GNE: variants seen among roughly 807,000 people sequenced by gnomAD.
The protein encoded by GNE is bifunctional UDP-N-acetylglucosamine 2-epimerase/N-acetylmannosamine kinase.
Under a neutral mutation model 61.8 loss-of-function variants are expected in GNE, and 41 were observed. That is an observed-to-expected ratio of 0.66 (90% CI 0.52 to 0.86). The LOEUF (loss-of-function observed/expected upper bound fraction) is 0.86. Ranked by LOEUF, GNE falls within the 40% of genes least tolerant of loss-of-function variation. The pLI, the probability that GNE is intolerant of heterozygous loss-of-function variation, is 0.00. For missense variants in GNE, 608 were observed against 909.1 expected (o/e 0.67, Z 4.26); for synonymous variants, 264 against 326.4 (o/e 0.81, Z 2.06).
upstream of GNE, among the ~76,000 whole-genome samples, chr9:36,259,116 C>A (rs188247482): frequency 7.8e-4 from 119 of 152,326 alleles, no homozygotes; most frequent in African/African-American, 2.8e-3. Context: ...AAGGGTCTCA[C>A]TATGTTGTCC....
At chr9:36,262,619 G>T (rs1830646924), upstream of GNE, among the ~76,000 whole-genome samples, 1 of 152,120 alleles carries the variant, frequency 6.6e-6, no homozygotes, top group Non-Finnish European at 1.5e-5. Context: ...AATAAAATCA[G>T]ATTTTTCTAG....
chr9:36,270,739 G>A (rs369204221), intron 1 of GNE, among the ~76,000 whole-genome samples: 3 of 151,724 alleles, frequency 2.0e-5, no homozygotes, highest in Admixed American at 1.3e-4. Flanking sequence ...GGATGGTCTC[G>A]ATCTCCTGAC....
At chr9:36,242,368 T>C (rs1829668681) in intron 3 of GNE, among the ~76,000 whole-genome samples, 1 of 152,250 alleles carries the variant, frequency 6.6e-6, no homozygotes. Flanking sequence ...AATAGGACTT[T>C]AAGCCCTACA....
intron 7 of GNE, among the ~76,000 whole-genome samples, chr9:36,224,013 A>G (rs931879821): frequency 6.6e-6 from 1 of 151,652 alleles, no homozygotes; most frequent in Admixed American, 6.6e-5. Context: ...CGGCCTCCCA[A>G]AGTGCTGGGA....
chr9:36,227,439 C>T lies in GNE; in HGVS notation c.1090G>A (p.Gly364Arg), dbSNP rs762981286. 4 of 1,607,664 alleles carry T rather than the reference C, an allele frequency of 2.5e-6. No homozygotes were observed. Among genetic ancestry groups the T allele is most frequent in the Non-Finnish European group, 3.4e-6 (4 of 1,174,134 alleles). Residue 364 changes from glycine (G) to arginine (R), a missense_variant, in exon 7 of 12, where the codon GGA becomes AGA. Transcript: ENST00000642385. ...TTCAAAATCCTTGGAACAGCATTTC[C>T]ATCCCCATATATCTTTGAACTGCAA... ...QYPCSKIYGDGNAVPRILKFL... is the reference protein window; with the variant it reads ...QYPCSKIYGDRNAVPRILKFL...
intron 1 of GNE, among the ~76,000 whole-genome samples, chr9:36,254,650 G>A (rs1830254936): frequency 6.6e-6 from 1 of 151,648 alleles, no homozygotes; most frequent in Non-Finnish European, 1.5e-5. Context: ...GCAAAAAGCT[G>A]CTTTCAAGAA....
intron 8 of GNE, 86 bp from the exon 9 acceptor site, chr9:36,223,084 T>C (rs1828682281): frequency 6.4e-6 from 8 of 1,241,160 alleles, no homozygotes; most frequent in Non-Finnish European, 9.5e-6. Flanking sequence ...AGAACACAGA[T>C]TCATTCACCC....
upstream of GNE, chr9:36,263,176 C>CCT (rs1554666562): frequency 1.4e-5 from 2 of 145,456 alleles, no homozygotes; most frequent in African/African-American, 5.1e-5. Flanking sequence ...TCAGCCATCA[C>CCT]TTTTTTTTTT....
intron 3 of GNE, among the ~76,000 whole-genome samples, chr9:36,241,395 G>A (rs1215716176): frequency 1.3e-5 from 2 of 152,126 alleles, no homozygotes. Context: ...GATTACAGGC[G>A]CGAGCCACTG....
In GNE at chr9:36,216,640, G is replaced by T. The variant is rs1587268232; in HGVS notation, c.*725C>A. ...GTGAGCCACTGCGCCCAGCTGGAAG[G>T]ATTATTATTATTATTATTATTATTA... On this transcript the variant is annotated 3_prime_UTR_variant, in exon 12 of 12. Transcript: ENST00000642385. 1.5e-5 allele frequency: 2 copies of T among 131,570 alleles called. 1 individual carries two copies. Among genetic ancestry groups the T allele is most frequent in the African/African-American group, 5.8e-5 (2 of 34,500 alleles). 8.2% of individuals were successfully genotyped at this position (131,570 alleles called of 1,614,324 possible).
intron 9 of GNE, 120 bp from the exon 10 acceptor site, chr9:36,220,140 G>A: frequency 1.2e-6 from 1 of 817,000 alleles, no homozygotes; most frequent in East Asian, 2.5e-5. Flanking sequence ...TACTTCTTTA[G>A]ACAGCTGAAG....
chr9:36,230,016 A>C (rs538602960), intron 5 of GNE, among the ~76,000 whole-genome samples: 1 of 151,884 alleles, frequency 6.6e-6, no homozygotes, highest in South Asian at 2.1e-4. Context: ...GCACAATCTC[A>C]GCTCACTGCA....
chr9:36,231,095 G>A (rs10972800), intron 5 of GNE, among the ~76,000 whole-genome samples: 8,055 of 112,890 alleles, frequency 0.071, 350 homozygotes, highest in Non-Finnish European at 0.11. Flanking sequence ...GAAAGAAAGA[G>A]AGAGAGAGAA....
At chr9:36,236,722 AGT>A in intron 4 of GNE, 108 bp downstream of exon 4, 1 of 928,668 alleles carries the variant, frequency 1.1e-6, no homozygotes, top group Non-Finnish European at 1.8e-6. Context: ...TTCAGAATAG[AGT>A]GCCCTTCAAT....
At chr9:36,270,516 C>CTT (rs1172459956) in intron 1 of GNE, among the ~76,000 whole-genome samples, 20 of 131,622 alleles carry the variant, frequency 1.5e-4, no homozygotes, top group African/African-American at 2.0e-4. Context: ...GGATTTCTTT[C>CTT]TTTTTTTTTT....
At chr9:36,247,133 T>G (rs1366945238) in intron 2 of GNE, among the ~76,000 whole-genome samples, 1 of 151,952 alleles carries the variant, frequency 6.6e-6, no homozygotes, top group Non-Finnish European at 1.5e-5. Flanking sequence ...CTTGACTCAC[T>G]GCAACCTCCA....
chr9:36,227,146 T>C (rs1828904178), intron 7 of GNE, 102 bp downstream of exon 7: 2 of 748,568 alleles, frequency 2.7e-6, no homozygotes, highest in Non-Finnish European at 4.8e-6. Context: ...GATTACAAGC[T>C]CTTGTGTATG....
chr9:36,268,686 T>C (rs1248285014), intron 1 of GNE, among the ~76,000 whole-genome samples: 1 of 151,818 alleles, frequency 6.6e-6, no homozygotes. Context: ...AACAAAGGTA[T>C]GTGGGAAGTA....
rs1376926751 is a variant in GNE, at chr9:36,218,345, A to AG, written c.1817-47dup. On this transcript the variant is annotated intron_variant, in intron 10 of 11. Coordinates refer to ENST00000642385, the MANE Select transcript of GNE (RefSeq NM_005476.7). This position sits in a 1 kb window ranked among gnomAD's most constrained non-coding sequence, Gnocchi z 4.1. Reference sequence around the variant, plus strand: ...AAGCAGTCACTAATGAGCTGTGGGGAGGCCAAGCTCACCACTGGGCCTGTG... The same window carrying AG: ...AAGCAGTCACTAATGAGCTGTGGGGAGGGCCAAGCTCACCACTGGGCCTGTG... 1 of 1,386,644 alleles carries AG rather than the reference A, an allele frequency of 7.2e-7. No individual in the cohort carries two copies. Among genetic ancestry groups the AG allele is most frequent in the Non-Finnish European group, 1.0e-6 (1 of 972,826 alleles). The allele number at this position is 1,386,644 out of a possible 1,614,324, so 85.9% of individuals were successfully genotyped here.
Sources: gnomAD v4.1 joint callset for allele counts (sites outside exome capture counted in the v4.1 genomes callset) on GRCh38, gnomAD v4.1.1 for gene constraint, Gnocchi (gnomAD v3.1) non-coding constraint, MANE v1.5 for transcripts, NCBI Gene and HGNC (gene_info 2026-07-23, HGNC 2026-07-21) for gene names.